The following VAV3 variants were observed in gnomAD, a reference collection of about 807,000 sequenced individuals.
VAV3 encodes the protein vav guanine nucleotide exchange factor 3, also known as guanine nucleotide exchange factor VAV3.
A neutral mutation model predicts 131.2 loss-of-function variants in VAV3; 94 were observed. The observed-to-expected ratio is 0.72, with a 90% CI of 0.61 to 0.85. VAV3 has a LOEUF of 0.85. Among genes scored for constraint, VAV3 ranks in the 40% least tolerant of loss-of-function variants. The probability of loss-of-function intolerance (pLI) is 0.00; values close to 1 mark genes in which losing one functional copy is unlikely to be tolerated. For missense variants in VAV3, 939 were observed against 1,002.7 expected (o/e 0.94, Z 0.86); for synonymous variants, 349 against 342.0 (o/e 1.02, Z -0.22).
chr1:107,617,728 T>G, intron 20 of VAV3, 96 bp from the exon 21 acceptor site: 54 of 1,016,286 alleles, frequency 5.3e-5, no homozygotes, highest in Non-Finnish European at 7.3e-5. Context: ...TTAGGATCCT[T>G]AGAATTCCTT....
chr1:107,867,545 T>C (rs1440512681), intron 2 of VAV3, among the ~76,000 whole-genome samples: 1 of 152,150 alleles, frequency 6.6e-6, no homozygotes, highest in South Asian at 2.1e-4. Context: ...TAGGGAAGGC[T>C]AGAAGCTGTT....
In VAV3 at chr1:107,770,733, A is replaced by G; in HGVS notation, c.556-5T>C. On this transcript the variant is annotated splice_polypyrimidine_tract_variant and splice_region_variant and intron_variant, in intron 5 of 26. Coordinates refer to ENST00000370056, the MANE Select transcript of VAV3 (RefSeq NM_006113.5). ...TATATCATTTTCTGGACATTTCTGC[A>G]GTTAGAATTATCAAAATAAAATGAT... 1.9e-6 allele frequency: 3 copies of G among 1,597,664 alleles called. No homozygotes were observed. Among genetic ancestry groups the G allele is most frequent in the Non-Finnish European group, 2.6e-6 (3 of 1,171,024 alleles).
chr1:107,750,240 C>T (rs1432191378), intron 13 of VAV3, among the ~76,000 whole-genome samples: 1 of 152,112 alleles, frequency 6.6e-6, no homozygotes, highest in African/African-American at 2.4e-5. Flanking sequence ...ATTTAATTGG[C>T]CACCTAAAAA....
chr1:107,803,333 T>C (rs1209852325), intron 2 of VAV3, among the ~76,000 whole-genome samples: 1 of 152,038 alleles, frequency 6.6e-6, no homozygotes, highest in Admixed American at 6.6e-5. Context: ...TCTAGTTCCT[T>C]GAGGTGCATT....
intron 25 of VAV3, among the ~76,000 whole-genome samples, chr1:107,586,982 C>T (rs1353925422): frequency 2.0e-5 from 3 of 151,848 alleles, no homozygotes; most frequent in African/African-American, 7.3e-5. Flanking sequence ...TCAAGCAAAG[C>T]CTGATGATGA....
At chr1:107,916,763 C>T (rs958467087) in intron 1 of VAV3, among the ~76,000 whole-genome samples, 6 of 152,136 alleles carry the variant, frequency 3.9e-5, no homozygotes, top group Non-Finnish European at 8.8e-5. Flanking sequence ...GAATCACTAC[C>T]TTACAAGGCA....
In VAV3 at chr1:107,572,328, A is replaced by G. The variant is rs1649319810; in HGVS notation, c.*1003T>C. The G allele has an allele frequency of 6.6e-6, 1 of 152,318 alleles. No homozygotes were observed. The highest frequency in any genetic ancestry group is 2.1e-4 in the South Asian group (1 of 4,830). 9.4% of individuals were successfully genotyped at this position (152,318 alleles called of 1,614,324 possible). ...TGCTTTCCTTCCAAAATCCTCAACA[A>G]AGTTGTTTGTGCTCCAAGAAAATGT... On this transcript the variant is annotated 3_prime_UTR_variant, in exon 27 of 27. Coordinates refer to ENST00000370056, the MANE Select transcript of VAV3 (RefSeq NM_006113.5).
chr1:107,647,697 T>C (rs1258663570), intron 19 of VAV3, among the ~76,000 whole-genome samples: 1 of 152,074 alleles, frequency 6.6e-6, no homozygotes, highest in East Asian at 1.9e-4. Flanking sequence ...CTAGCCAAGT[T>C]TGGGAATCAC....
intron 20 of VAV3, among the ~76,000 whole-genome samples, chr1:107,626,645 G>A (rs1487844996): frequency 6.6e-6 from 1 of 152,128 alleles, no homozygotes; most frequent in African/African-American, 2.4e-5. Context: ...GCGGGACACT[G>A]GGAAAACAAG....
chr1:107,942,288 C>T (rs1465428664), intron 1 of VAV3, among the ~76,000 whole-genome samples: 1 of 152,096 alleles, frequency 6.6e-6, no homozygotes, highest in Non-Finnish European at 1.5e-5. Context: ...AGATGTAAAC[C>T]CTGGTGAGAT....
chr1:107,608,658 A>G (rs1454782775), intron 22 of VAV3, among the ~76,000 whole-genome samples: 1 of 152,210 alleles, frequency 6.6e-6, no homozygotes, highest in Non-Finnish European at 1.5e-5. Context: ...AGTGACTGCC[A>G]GAGGAGGGAA....
chr1:107,735,945 A>G (rs1323434667), intron 15 of VAV3, among the ~76,000 whole-genome samples: 2 of 152,162 alleles, frequency 1.3e-5, no homozygotes, highest in Non-Finnish European at 1.5e-5. Context: ...GAACATCAAT[A>G]CAAAAATCCT....
chr1:107,718,437 T>C (rs1422898366), intron 15 of VAV3, among the ~76,000 whole-genome samples: 2 of 152,124 alleles, frequency 1.3e-5, no homozygotes, highest in South Asian at 2.1e-4. Flanking sequence ...AGCCAAATCA[T>C]GAGTGAACGC....
Position 107,699,094 on chromosome 1 carries a change from C to A in VAV3, c.1705+5456G>T, listed in dbSNP as rs542102225. Among the ~76,000 whole-genome samples, 49 of 152,312 alleles carry A rather than the reference C, an allele frequency of 3.2e-4. No individual in the cohort carries two copies. In the South Asian group the frequency reaches 8.3e-3, roughly 26 times the overall value. ...ACAATCATGCCTACCCAACAGTCCCCCAAAGTCTTAACTAATTTCAGCATT... is the reference window on the plus strand; with the variant it reads ...ACAATCATGCCTACCCAACAGTCCCACAAAGTCTTAACTAATTTCAGCATT... On this transcript the variant is annotated intron_variant, in intron 17 of 26. Coordinates refer to ENST00000370056, the MANE Select transcript of VAV3 (RefSeq NM_006113.5).
chr1:107,937,199 A>ATAT (rs1195759866), intron 1 of VAV3, among the ~76,000 whole-genome samples: 1 of 152,168 alleles, frequency 6.6e-6, no homozygotes, highest in African/African-American at 2.4e-5. Flanking sequence ...CATACCAAGA[A>ATAT]ATAATGTGTG....
chr1:107,779,457 A>G lies in VAV3; in HGVS notation c.357T>C (p.Pro119=), dbSNP rs752109446. ...ACCTGATTCCTGTGGCCAATGCTATAGGTGTTCGAGAAAGTCGTGATAATG... is the reference window on the plus strand; with the variant it reads ...ACCTGATTCCTGTGGCCAATGCTATGGGTGTTCGAGAAAGTCGTGATAATG... ...IETLSRLSRT[P]IALATGIRPF... is the part of the protein sequence containing the mutation. Residue 119 remains proline (P), a synonymous_variant, in exon 3 of 27, where the codon CCT becomes CCC. Coordinates refer to ENST00000370056, the MANE Select transcript of VAV3 (RefSeq NM_006113.5). The G allele has an allele frequency of 6.3e-7, 1 of 1,592,344 alleles. No individual in the cohort carries two copies. Among genetic ancestry groups the G allele is most frequent in the Admixed American group, 1.7e-5 (1 of 57,610 alleles).
At chr1:107,928,073 G>C (rs532003118) in intron 1 of VAV3, among the ~76,000 whole-genome samples, 1 of 152,288 alleles carries the variant, frequency 6.6e-6, no homozygotes, top group South Asian at 2.1e-4. Flanking sequence ...AACAGAAAGA[G>C]AAACTCTATT....
At chr1:107,592,544 G>T (rs1220949060) in intron 25 of VAV3, among the ~76,000 whole-genome samples, 2 of 151,884 alleles carry the variant, frequency 1.3e-5, no homozygotes, top group African/African-American at 2.4e-5. Context: ...ATAAAAACTT[G>T]GCAAAATATT....
At position 107,873,477 on chromosome 1, in the gene VAV3, T is replaced by G. The variant is rs150865350; in HGVS notation, c.321+1424A>C. On this transcript the variant is annotated intron_variant, in intron 2 of 26. Transcript: ENST00000370056. The stretch of plus-strand genomic sequence containing the variant: ...TAAAGAAAAATCAAGGAAGATTTTT[T>G]TAAAGGTGCAGGAGGAACAGGCGGA... 4.3e-3 allele frequency among the ~76,000 whole-genome samples: 654 copies of G among 152,244 alleles called. 10 individuals are homozygous for G. The highest frequency in any genetic ancestry group is 0.015 in the African/African-American group (616 of 41,546).
Sources: allele counts gnomAD v4.1 joint callset (sites outside exome capture counted in the v4.1 genomes callset), GRCh38; gene constraint gnomAD v4.1.1; transcripts MANE v1.5; gene names NCBI Gene and HGNC (gene_info 2026-07-23, HGNC 2026-07-21).